The following ANKRD36C variants were observed in gnomAD, a reference collection of about 807,000 sequenced individuals.
ANKRD36C encodes the protein ankyrin repeat domain 36C, also known as ankyrin repeat domain-containing protein 36C.
A neutral mutation model predicts 276.4 loss-of-function variants in ANKRD36C; 61 were observed. The observed-to-expected ratio is 0.22, with a 90% CI of 0.18 to 0.27. ANKRD36C has a LOEUF of 0.27. ANKRD36C is among the 10% of genes least tolerant of loss of function. The probability of loss-of-function intolerance (pLI) is 1.00; values close to 1 mark genes in which losing one functional copy is unlikely to be tolerated. For missense variants in ANKRD36C, 1,447 were observed against 2,032.3 expected (o/e 0.71, Z 5.54); for synonymous variants, 483 against 680.1 (o/e 0.71, Z 4.51).
At chr2:95,985,971 T>C (rs1401039568) in intron 3 of ANKRD36C, among the ~76,000 whole-genome samples, 1 of 152,072 alleles carries the variant, frequency 6.6e-6, no homozygotes, top group Non-Finnish European at 1.5e-5. Flanking sequence ...CCATTAATTA[T>C]GTGTTCTTCT....
At chr2:95,980,544 C>G in intron 5 of ANKRD36C, 104 bp downstream of exon 5, 1 of 1,406,520 alleles carries the variant, frequency 7.1e-7, no homozygotes, top group East Asian at 2.5e-5. Context: ...TTGAAAACTA[C>G]TTGAATCAAA....
Position 95,912,393 on chromosome 2 carries a change from G to T in ANKRD36C, c.2580+14C>A. ...ACGTTTACTAGCTCACAATATGAAT[G>T]AGAGTTTCATTACCTTCAAGGCTGG... On this transcript the variant is annotated intron_variant, in intron 41 of 66. Transcript: ENST00000456556. The T allele has an allele frequency of 6.2e-7, 1 of 1,603,948 alleles. No homozygotes were observed. The highest frequency in any genetic ancestry group is 8.5e-7 in the Non-Finnish European group (1 of 1,177,812).
intron 40 of ANKRD36C, among the ~76,000 whole-genome samples, chr2:95,913,426 C>T (rs1676993555): frequency 6.6e-6 from 1 of 151,416 alleles, no homozygotes; most frequent in East Asian, 2.0e-4. Context: ...ATCAACAAAA[C>T]ATGTATCTCT....
At chr2:95,889,242 T>C (rs1395948889) in intron 48 of ANKRD36C, among the ~76,000 whole-genome samples, 1 of 151,542 alleles carries the variant, frequency 6.6e-6, no homozygotes, top group Admixed American at 6.6e-5. Flanking sequence ...ATGCAAATGT[T>C]CCAAATGTAT....
chr2:95,986,743 A>C lies in ANKRD36C; in HGVS notation c.486+8T>G. Reference sequence around the variant, plus strand: ...GATAGTTTGAAAATAACATTGGTTGACCTATACCTCGCTGCATTCTTCAAT... The same window carrying C: ...GATAGTTTGAAAATAACATTGGTTGCCCTATACCTCGCTGCATTCTTCAAT... On this transcript the variant is annotated splice_region_variant and intron_variant, in intron 3 of 66. Transcript: ENST00000456556. 4 of 1,608,920 alleles carry C rather than the reference A, an allele frequency of 2.5e-6. No individual in the cohort carries two copies. Among genetic ancestry groups the C allele is most frequent in the Non-Finnish European group, 3.4e-6 (4 of 1,177,840 alleles).
chr2:95,849,961 G>T (rs992264313), downstream of ANKRD36C, among the ~76,000 whole-genome samples: 1 of 152,168 alleles, frequency 6.6e-6, no homozygotes, highest in African/African-American at 2.4e-5. Flanking sequence ...GGGGGTTGGG[G>T]ACCCCTGCTA....
intron 42 of ANKRD36C, among the ~76,000 whole-genome samples, chr2:95,911,310 A>T (rs910039529): frequency 6.6e-6 from 1 of 151,524 alleles, no homozygotes; most frequent in African/African-American, 2.4e-5. Flanking sequence ...AAAATGCTAC[A>T]AGCATTAGAT....
In ANKRD36C at chr2:95,921,736, A is replaced by G. The variant is rs1419671098; in HGVS notation, c.2172+46T>C. ...AATAAATAAATGAAGCATGTTTCAT[A>G]GACTATAGATTCACTAGTTCACAAT... On this transcript the variant is annotated intron_variant, in intron 33 of 66. Transcript: ENST00000456556. The G allele has an allele frequency of 5.6e-6, 9 of 1,594,006 alleles. No homozygotes were observed. The Admixed American group carries it at 1.5e-4, about 27-fold the overall frequency.
At chr2:95,907,226 T>C (rs1217565732) in intron 42 of ANKRD36C, 1 of 30,030 alleles carries the variant, frequency 3.3e-5, no homozygotes, top group Non-Finnish European at 6.9e-5. Context: ...ATTTACACCA[T>C]TATACTACAA....
intron 36 of ANKRD36C, among the ~76,000 whole-genome samples, chr2:95,917,545 A>T (rs1230367811): frequency 2.0e-5 from 3 of 151,516 alleles, no homozygotes; most frequent in Non-Finnish European, 4.4e-5. Flanking sequence ...CCTTAGTGAA[A>T]CCATGCTGTA....
At chr2:95,973,902 G>T (rs1678749782) in intron 6 of ANKRD36C, among the ~76,000 whole-genome samples, 2 of 152,058 alleles carry the variant, frequency 1.3e-5, no homozygotes, top group Admixed American at 1.3e-4. Flanking sequence ...AAAAAAGTTA[G>T]CTTGGTGTGG....
chr2:95,931,896 G>T, intron 24 of ANKRD36C, among the ~76,000 whole-genome samples: 1 of 145,544 alleles, frequency 6.9e-6, no homozygotes, highest in Non-Finnish European at 1.5e-5. Flanking sequence ...GAGCAATATG[G>T]CTTTACGGGG....
intron 58 of ANKRD36C, among the ~76,000 whole-genome samples, chr2:95,878,970 A>C (rs530320789): frequency 3.6e-4 from 55 of 152,208 alleles, no homozygotes; most frequent in African/African-American, 9.2e-4. Flanking sequence ...AACTACTCAA[A>C]AGCAAGAAAA....
At chr2:95,868,223 A>G (rs1395947746) in intron 59 of ANKRD36C, among the ~76,000 whole-genome samples, 1 of 151,846 alleles carries the variant, frequency 6.6e-6, no homozygotes, top group Non-Finnish European at 1.5e-5. Context: ...TTGTCACATA[A>G]CGGCTTCTGG....
chr2:95,978,161 T>C, exon 6 of ANKRD36C: 1 of 1,278,224 alleles, frequency 7.8e-7, no homozygotes, highest in Non-Finnish European at 1.1e-6. Flanking sequence ...TGTTTCTTTC[T>C]TTCATATTCA....
intron 32 of ANKRD36C, among the ~76,000 whole-genome samples, chr2:95,923,206 T>C (rs1315667132): frequency 6.6e-6 from 1 of 151,626 alleles, no homozygotes; most frequent in Non-Finnish European, 1.5e-5. Flanking sequence ...AAACATGCTG[T>C]AGAATTAAAG....
At chr2:95,860,015 G>A in exon 61 of ANKRD36C, 1 of 1,547,512 alleles carries the variant, frequency 6.5e-7, no homozygotes, top group Non-Finnish European at 8.7e-7. Context: ...TTATCTTTAA[G>A]TTCTGTTAAT....
intron 22 of ANKRD36C, among the ~76,000 whole-genome samples, 189 bp downstream of exon 22, chr2:95,938,640 C>T (rs1469322235): frequency 6.6e-6 from 1 of 152,302 alleles, no homozygotes; most frequent in African/African-American, 2.4e-5. Context: ...GGCTAGAGCT[C>T]ACAGTGTAAA....
At chr2:95,914,282 C>A in exon 39 of ANKRD36C, 2 of 1,550,444 alleles carry the variant, frequency 1.3e-6, no homozygotes, top group African/African-American at 1.4e-5. Context: ...TACCTTCAAG[C>A]CTGCTGGTTT....
Sources: gnomAD v4.1 joint callset for allele counts (sites outside exome capture counted in the v4.1 genomes callset) on GRCh38, gnomAD v4.1.1 for gene constraint, MANE v1.5 for transcripts, NCBI Gene and HGNC (gene_info 2026-07-23, HGNC 2026-07-21) for gene names.